DNAJC3: variants seen among roughly 807,000 people sequenced by gnomAD.
DNAJC3 encodes the protein DnaJ heat shock protein family (Hsp40) member C3.
In DNAJC3, 38 loss-of-function variants were observed where a neutral mutation model predicts 68.6. That is an observed-to-expected ratio of 0.55 (90% CI 0.43 to 0.73). The LOEUF (loss-of-function observed/expected upper bound fraction) is 0.73, where lower values mean the gene tolerates loss of function less well. Ranked by LOEUF, DNAJC3 falls within the 30% of genes least tolerant of loss-of-function variation. DNAJC3 has a pLI of 0.00. For synonymous variants in DNAJC3, 203 were observed against 204.0 expected (o/e 1.00, Z 0.04); for missense variants, 526 against 591.9 (o/e 0.89, Z 1.16).
chr13:95,760,243 G>A (rs780942856), intron 6 of DNAJC3, 22 bp downstream of exon 6: 74 of 1,482,554 alleles, frequency 5.0e-5, no homozygotes, highest in Non-Finnish European at 5.8e-5. Context: ...TGACACACAT[G>A]TCTGATCTTT....
intron 9 of DNAJC3, among the ~76,000 whole-genome samples, chr13:95,769,154 C>T (rs974615377): frequency 1.3e-5 from 2 of 152,162 alleles, no homozygotes; most frequent in Non-Finnish European, 2.9e-5. Context: ...GGTTTCTATT[C>T]CTTATGAGAT....
rs1256810971 is a variant in DNAJC3 at position 95,677,357 on chromosome 13, G to A, written c.82+20G>A. 6.4e-7 allele frequency: 1 copy of A among 1,569,796 alleles called. No homozygotes were observed. The highest frequency in any genetic ancestry group is 8.6e-7 in the Non-Finnish European group (1 of 1,158,334). On this transcript the variant is annotated intron_variant, in intron 1 of 11. Transcript: ENST00000602402. ...ACGAAGGTGAGTCCTGCCCTGCCCC[G>A]GCCAGGAAGTGGGCTCCCGGACCAG... is the stretch of plus-strand genomic sequence containing the variant.
chr13:95,783,205 T>C (rs1193008593), intron 9 of DNAJC3, among the ~76,000 whole-genome samples: 2 of 152,230 alleles, frequency 1.3e-5, no homozygotes, highest in African/African-American at 4.8e-5. Context: ...TGGGAAGTCT[T>C]ACATCATCCA....
intron 6 of DNAJC3, 145 bp downstream of exon 6, chr13:95,760,366 G>A (rs1240101100): frequency 2.4e-6 from 2 of 819,884 alleles, no homozygotes; most frequent in African/African-American, 1.8e-5. Flanking sequence ...TATATATTTT[G>A]TGTTATTCCC....
intron 1 of DNAJC3, among the ~76,000 whole-genome samples, chr13:95,689,079 T>A (rs1181913194): frequency 6.6e-6 from 1 of 151,976 alleles, no homozygotes; most frequent in African/African-American, 2.4e-5. Context: ...CATTTTGGTA[T>A]CAGGTTGATA....
At position 95,687,572 on chromosome 13, in the gene DNAJC3, T is replaced by A. The variant is rs79843053; in HGVS notation, c.82+10235T>A. ...TGCCTAGTTAATCTAGCTAGCAGTT[T>A]ATCAATTTTGCTCATGGATTTGGAG... On this transcript the variant is annotated intron_variant, in intron 1 of 11. Transcript: ENST00000602402. Among the ~76,000 whole-genome samples the A allele has an allele frequency of 1.9e-4, 29 of 152,252 alleles. 1 individual carries two copies. The Middle Eastern group carries it at 0.01, about 54-fold the overall frequency.
chr13:95,771,324 CAGTA>C (rs1353813392), intron 9 of DNAJC3, among the ~76,000 whole-genome samples: 2 of 152,098 alleles, frequency 1.3e-5, no homozygotes, highest in East Asian at 3.9e-4. Context: ...TTGTTAAAGA[CAGTA>C]AGTCAGACTT....
In DNAJC3 at chr13:95,689,132, AT is replaced by A. The variant is rs773310978; in HGVS notation, c.82+11808del. On this transcript the variant is annotated intron_variant, in intron 1 of 11. Coordinates refer to ENST00000602402, the MANE Select transcript of DNAJC3 (RefSeq NM_006260.5). ...GTTAGGGAGGAATCCTTCCTCTTTG[AT>A]TTTTTTTTTTTTCGGGGGGGAATAC... 4.4e-3 allele frequency among the ~76,000 whole-genome samples: 470 copies of A among 105,854 alleles called. 1 individual carries two copies. Among genetic ancestry groups the A allele is most frequent in the African/African-American group, 5.7e-3 (157 of 27,388 alleles). 69.4% of individuals were successfully genotyped at this position (105,854 alleles called of 152,430 possible).
chr13:95,757,614 ACT>A, intron 4 of DNAJC3, 28 bp from the exon 5 acceptor site: 1 of 1,520,320 alleles, frequency 6.6e-7, no homozygotes, highest in Non-Finnish European at 8.9e-7. Context: ...GAGATTAAAA[ACT>A]CTGCTTAGTT....
At chr13:95,788,298 G>C (rs1380930921) in intron 11 of DNAJC3, among the ~76,000 whole-genome samples, 1 of 152,224 alleles carries the variant, frequency 6.6e-6, no homozygotes, top group Non-Finnish European at 1.5e-5. Flanking sequence ...GCAGTGCACA[G>C]GTGTGATAGT....
At chr13:95,712,374 CT>C (rs71113952) in intron 2 of DNAJC3, among the ~76,000 whole-genome samples, 170 of 135,188 alleles carry the variant, frequency 1.3e-3, no homozygotes, top group Non-Finnish European at 1.3e-3. Flanking sequence ...ATGCTTTTTT[CT>C]TTTTTTTTTT....
intron 4 of DNAJC3, among the ~76,000 whole-genome samples, chr13:95,747,674 T>C (rs1020083121): frequency 6.6e-6 from 1 of 152,208 alleles, no homozygotes; most frequent in Non-Finnish European, 1.5e-5. Flanking sequence ...AAGAATGGAT[T>C]GGAATAAGAC....
At chr13:95,740,586 C>A (rs377481461) in intron 4 of DNAJC3, among the ~76,000 whole-genome samples, 3 of 151,990 alleles carry the variant, frequency 2.0e-5, no homozygotes, top group African/African-American at 4.8e-5. Flanking sequence ...AGGTGCTGTC[C>A]GTCACCCCTT....
intron 4 of DNAJC3, 110 bp from the exon 5 acceptor site, chr13:95,757,534 C>T: frequency 8.7e-7 from 1 of 1,152,434 alleles, no homozygotes; most frequent in African/African-American, 1.5e-5. Context: ...ATCTCTTTAC[C>T]CTTTTTACCC....
At chr13:95,685,097 G>T (rs1258078961) in intron 1 of DNAJC3, among the ~76,000 whole-genome samples, 1 of 152,222 alleles carries the variant, frequency 6.6e-6, no homozygotes, top group East Asian at 1.9e-4. Context: ...CCCCAGAATG[G>T]TAGATCCGCT....
At chr13:95,754,812 T>TTTTTATTTGA (rs1882601541) in intron 4 of DNAJC3, among the ~76,000 whole-genome samples, 1 of 152,154 alleles carries the variant, frequency 6.6e-6, no homozygotes, top group Admixed American at 6.6e-5. Context: ...ACTGCCAACC[T>TTTTTATTTGA]GGTGTTTTTA....
intron 4 of DNAJC3, among the ~76,000 whole-genome samples, chr13:95,729,734 ATTTGCATT>A (rs1881653678): frequency 6.6e-6 from 1 of 151,780 alleles, no homozygotes; most frequent in South Asian, 2.1e-4. Context: ...TATTGTTTTG[ATTTGCATT>A]TCCCTGATTA....
intron 4 of DNAJC3, among the ~76,000 whole-genome samples, chr13:95,728,010 A>G (rs906322239): frequency 1.3e-5 from 2 of 152,228 alleles, no homozygotes; most frequent in African/African-American, 4.8e-5. Context: ...AATGTTATAC[A>G]AAAATCTTTT....
At position 95,779,326 on chromosome 13, in the gene DNAJC3, G is replaced by A. The variant is rs12866524; in HGVS notation, c.1076-6613G>A. 3.0e-3 allele frequency among the ~76,000 whole-genome samples: 461 copies of A among 151,760 alleles called. 2 individuals carry two copies. Among genetic ancestry groups the A allele is most frequent in the Middle Eastern group, 0.01 (3 of 292 alleles). ...TTTTTAGTAGAGACGGGGTTTCACC[G>A]TGTTAGCCAGGATGGTCTCGATCTC... is the stretch of plus-strand genomic sequence containing the variant. On this transcript the variant is annotated intron_variant, in intron 9 of 11. Coordinates refer to ENST00000602402, the MANE Select transcript of DNAJC3 (RefSeq NM_006260.5).
Sources: gnomAD v4.1 joint callset for allele counts (sites outside exome capture counted in the v4.1 genomes callset) on GRCh38, gnomAD v4.1.1 for gene constraint, MANE v1.5 for transcripts, NCBI Gene and HGNC (gene_info 2026-07-23, HGNC 2026-07-21) for gene names.